LARP1B: variants seen among roughly 807,000 people sequenced by gnomAD.
LARP1B encodes the protein La ribonucleoprotein 1B.
Under a neutral mutation model 114.2 loss-of-function variants are expected in LARP1B, and 76 were observed. The observed-to-expected ratio is 0.67, with a 90% CI of 0.55 to 0.81. The LOEUF (loss-of-function observed/expected upper bound fraction) is 0.81, where lower values mean the gene tolerates loss of function less well. LARP1B is among the 30% of genes least tolerant of loss of function. The probability of loss-of-function intolerance (pLI) is 0.00; values close to 1 mark genes in which losing one functional copy is unlikely to be tolerated. For missense variants in LARP1B, 1,014 were observed against 1,075.8 expected (o/e 0.94, Z 0.80); for synonymous variants, 345 against 348.0 (o/e 0.99, Z 0.10).
chr4:128,126,060 G>A (rs77811073), intron 11 of LARP1B, among the ~76,000 whole-genome samples: 281 of 151,216 alleles, frequency 1.9e-3, no homozygotes, highest in Non-Finnish European at 1.6e-3. Flanking sequence ...GTGAGATCTC[G>A]CATGTGAGAA....
intron 7 of LARP1B, among the ~76,000 whole-genome samples, chr4:128,093,876 A>G (rs1465445575): frequency 6.6e-6 from 1 of 151,500 alleles, no homozygotes; most frequent in Non-Finnish European, 1.5e-5. Flanking sequence ...ACGCCCAGCT[A>G]ATTTTTGTAG....
At chr4:128,123,969 T>C (rs1788786795) in intron 11 of LARP1B, 2 of 152,306 alleles carry the variant, frequency 1.3e-5, no homozygotes, top group African/African-American at 4.8e-5. Flanking sequence ...TTTGACCTGA[T>C]TCTTATGTAC....
At chr4:128,087,079 C>A (rs902629209) in intron 5 of LARP1B, among the ~76,000 whole-genome samples, 2 of 152,074 alleles carry the variant, frequency 1.3e-5, no homozygotes, top group African/African-American at 4.8e-5. Context: ...GCCACCATGT[C>A]TGGCTAATTT....
At chr4:128,159,542 C>G (rs1050633434) in intron 11 of LARP1B, among the ~76,000 whole-genome samples, 4 of 152,102 alleles carry the variant, frequency 2.6e-5, no homozygotes, top group African/African-American at 9.7e-5. Flanking sequence ...TTCCATAGAT[C>G]CTCTTCCCCT....
At chr4:128,064,917 ATAT>A (rs1410542096) in intron 1 of LARP1B, among the ~76,000 whole-genome samples, 7 of 151,982 alleles carry the variant, frequency 4.6e-5, no homozygotes, top group African/African-American at 1.7e-4. Flanking sequence ...TAAAATAATA[ATAT>A]TAATAATAAT....
intron 11 of LARP1B, among the ~76,000 whole-genome samples, chr4:128,137,287 A>G (rs1440091676): frequency 1.3e-5 from 2 of 152,144 alleles, no homozygotes; most frequent in Admixed American, 6.6e-5. Flanking sequence ...AAAGCATCTC[A>G]TTCATGTTAC....
intron 11 of LARP1B, among the ~76,000 whole-genome samples, chr4:128,136,435 CAT>C (rs371574831): frequency 2.0e-5 from 3 of 152,024 alleles, no homozygotes; most frequent in Non-Finnish European, 4.4e-5. Flanking sequence ...GTGAAAGTGT[CAT>C]ATAATGATAA....
At chr4:128,170,102 T>C (rs903066924) in intron 12 of LARP1B, among the ~76,000 whole-genome samples, 18 of 152,318 alleles carry the variant, frequency 1.2e-4, no homozygotes, top group African/African-American at 4.3e-4. Context: ...TCCAAGTGAT[T>C]GGAATTTTTT....
rs1165335458 is a variant in LARP1B, at chr4:128,122,677, G to A, written c.1524+489G>A. 3.0e-6 allele frequency: 4 copies of A among 1,334,302 alleles called. No individual in the cohort carries two copies. The African/African-American group carries it at 6.0e-5, about 20-fold the overall frequency. 82.7% of individuals were successfully genotyped at this position (1,334,302 alleles called of 1,614,324 possible). ...GTGCATGATCTAAGGTAGTGGAAAT[G>A]GTTGTGGACAAACTATAAATGACTA... On this transcript the variant is annotated intron_variant, in intron 11 of 19. Transcript: ENST00000326639.
intron 12 of LARP1B, among the ~76,000 whole-genome samples, chr4:128,174,834 A>C (rs1358252347): frequency 5.9e-5 from 9 of 152,108 alleles, no homozygotes; most frequent in Non-Finnish European, 1.2e-4. Flanking sequence ...TATGTATGTA[A>C]ATTTTTACAG....
chr4:128,198,489 A>G (rs1003170089), intron 15 of LARP1B, among the ~76,000 whole-genome samples: 2 of 152,182 alleles, frequency 1.3e-5, no homozygotes, highest in Non-Finnish European at 2.9e-5. Context: ...ATTTTTTCTA[A>G]TTGCAAGTGC....
chr4:128,126,773 A>G (rs1053586706), intron 11 of LARP1B, among the ~76,000 whole-genome samples: 1 of 151,520 alleles, frequency 6.6e-6, no homozygotes, highest in Non-Finnish European at 1.5e-5. Flanking sequence ...GTAATTTAAC[A>G]TCTAGTAGAT....
chr4:128,155,879 T>A (rs1735362745), intron 11 of LARP1B: 1 of 1,555,212 alleles, frequency 6.4e-7, no homozygotes, highest in Non-Finnish European at 8.9e-7. Context: ...CTGGAGCTGG[T>A]GCTGGAAGCC....
chr4:128,117,198 G>A (rs1057440749), intron 10 of LARP1B, among the ~76,000 whole-genome samples: 5 of 150,824 alleles, frequency 3.3e-5, no homozygotes, highest in East Asian at 3.9e-4. Flanking sequence ...TGCCATGCCC[G>A]GCCTGAGATT....
intron 10 of LARP1B, among the ~76,000 whole-genome samples, chr4:128,115,149 G>A (rs1255099597): frequency 2.0e-5 from 3 of 152,118 alleles, no homozygotes; most frequent in South Asian, 2.1e-4. Flanking sequence ...TGTTGGTCAG[G>A]CTGGTCTTGA....
chr4:128,138,141 A>C (rs1726281961), intron 11 of LARP1B, among the ~76,000 whole-genome samples: 1 of 152,214 alleles, frequency 6.6e-6, no homozygotes, highest in African/African-American at 2.4e-5. Context: ...AGCAGAATTT[A>C]ATTAATTATA....
At chr4:128,108,159 G>A in intron 9 of LARP1B, 5 of 1,261,306 alleles carry the variant, frequency 4.0e-6, no homozygotes, top group Non-Finnish European at 5.0e-6. Flanking sequence ...TGTGTAATTG[G>A]CCTGGGCTGC....
chr4:128,082,339 G>C, intron 5 of LARP1B, 34 bp downstream of exon 5: 1 of 1,578,386 alleles, frequency 6.3e-7, no homozygotes, highest in Non-Finnish European at 8.7e-7. Flanking sequence ...AATGACTAAG[G>C]AAAGACTTAG....
At chr4:128,102,300 C>T (rs775127934) in intron 8 of LARP1B, among the ~76,000 whole-genome samples, 9 of 152,154 alleles carry the variant, frequency 5.9e-5, no homozygotes, top group Admixed American at 1.3e-4. Context: ...TGACTATTGT[C>T]AGTGTCCTGA....
Sources: allele counts gnomAD v4.1 joint callset (sites outside exome capture counted in the v4.1 genomes callset), GRCh38; gene constraint gnomAD v4.1.1; transcripts MANE v1.5; gene names NCBI Gene and HGNC (gene_info 2026-07-23, HGNC 2026-07-21).